The following CADM2 variants were observed in gnomAD, a reference collection of about 807,000 sequenced individuals.
The protein encoded by CADM2 is cell adhesion molecule 2.
Under a neutral mutation model 49.8 loss-of-function variants are expected in CADM2, and 12 were observed. The observed-to-expected ratio is 0.24, with a 90% confidence interval of 0.15 to 0.39. The LOEUF (loss-of-function observed/expected upper bound fraction) is 0.39. CADM2 is among the 10% of genes least tolerant of loss of function. The pLI is 1.00. For missense variants in CADM2, 378 were observed against 492.3 expected (o/e 0.77, Z 2.20); for synonymous variants, 214 against 175.4 (o/e 1.22, Z -1.74).
At chr3:85,078,487 A>G (rs1354039409) in intron 1 of CADM2, among the ~76,000 whole-genome samples, 1 of 151,952 alleles carries the variant, frequency 6.6e-6, no homozygotes, top group Non-Finnish European at 1.5e-5. Context: ...CTATATATAA[A>G]GCCAGGATAA....
At chr3:85,741,548 A>G (rs9836492) in intron 2 of CADM2, among the ~76,000 whole-genome samples, 30,916 of 151,934 alleles carry the variant, frequency 0.2, 3,822 homozygotes, top group African/African-American at 0.35. Flanking sequence ...CATGCCTGCA[A>G]TCCCAGCTAC....
chr3:85,128,020 A>T (rs1055908368), intron 1 of CADM2, among the ~76,000 whole-genome samples: 1 of 152,202 alleles, frequency 6.6e-6, no homozygotes, highest in Non-Finnish European at 1.5e-5. Context: ...GTCCTCAAGA[A>T]ACGCATGTGG....
At chr3:85,060,090 T>C (rs1380890779) in intron 1 of CADM2, among the ~76,000 whole-genome samples, 1 of 152,170 alleles carries the variant, frequency 6.6e-6, no homozygotes, top group Admixed American at 6.5e-5. Context: ...CACTTAAATA[T>C]GCATACCTTT....
At chr3:85,981,880 G>T (rs1417483606) in intron 8 of CADM2, among the ~76,000 whole-genome samples, 1 of 151,662 alleles carries the variant, frequency 6.6e-6, no homozygotes, top group Admixed American at 6.6e-5. Flanking sequence ...TCAGTGATGG[G>T]ATTGCTGGAT....
intron 8 of CADM2, chr3:86,013,792 G>A: frequency 6.3e-7 from 1 of 1,589,120 alleles, no homozygotes; most frequent in Non-Finnish European, 8.6e-7. Context: ...ACTGAGAAGT[G>A]GGGATTAAAT....
intron 1 of CADM2, among the ~76,000 whole-genome samples, chr3:85,448,576 G>T (rs1254024841): frequency 1.3e-5 from 2 of 152,000 alleles, no homozygotes; most frequent in Non-Finnish European, 2.9e-5. Flanking sequence ...AGTAGGGTCA[G>T]TGTATAGATT....
In CADM2 at chr3:85,498,678, A is replaced by G. The variant is rs1379270555; in HGVS notation, c.62-227844A>G. ...AATTAGTGTAAGAAATATGTATTAA[A>G]TAAAATGGATTTAAACGGAAACACG... On this transcript the variant is annotated intron_variant, in intron 1 of 9. Coordinates refer to ENST00000383699, the MANE Select transcript of CADM2 (RefSeq NM_001167675.2). Among the ~76,000 whole-genome samples, 3 of 152,164 alleles carry G rather than the reference A, an allele frequency of 2.0e-5. No individual in the cohort carries two copies. The South Asian group carries it at 6.2e-4, about 32-fold the overall frequency.
intron 1 of CADM2, among the ~76,000 whole-genome samples, chr3:85,191,580 G>A (rs981833560): frequency 2.6e-5 from 4 of 152,046 alleles, no homozygotes; most frequent in Non-Finnish European, 5.9e-5. Context: ...CCAAATAGAT[G>A]ACGGTTTGAC....
At chr3:85,017,388 C>T (rs1220644381) in intron 1 of CADM2, among the ~76,000 whole-genome samples, 1 of 152,126 alleles carries the variant, frequency 6.6e-6, no homozygotes, top group African/African-American at 2.4e-5. Context: ...AAAAAATATT[C>T]CCAGCTCGAG....
intron 3 of CADM2, among the ~76,000 whole-genome samples, chr3:85,863,596 G>A (rs1459889647): frequency 6.6e-6 from 1 of 152,128 alleles, no homozygotes; most frequent in Non-Finnish European, 1.5e-5. Context: ...GCAGCACAAG[G>A]CCTTCAGCAG....
intron 1 of CADM2, among the ~76,000 whole-genome samples, chr3:85,324,510 G>GTGAGTTT (rs1461056530): frequency 1.3e-5 from 2 of 152,042 alleles, no homozygotes; most frequent in Non-Finnish European, 2.9e-5. Flanking sequence ...CAACTCACCA[G>GTGAGTTT]ACATACTAGT....
At chr3:85,828,915 G>T (rs1257974290) in intron 3 of CADM2, among the ~76,000 whole-genome samples, 1 of 151,880 alleles carries the variant, frequency 6.6e-6, no homozygotes, top group Non-Finnish European at 1.5e-5. Context: ...GAAATATGAA[G>T]TTCCTTTCCT....
At chr3:85,372,933 G>A (rs2033356603) in intron 1 of CADM2, among the ~76,000 whole-genome samples, 1 of 151,998 alleles carries the variant, frequency 6.6e-6, no homozygotes, top group African/African-American at 2.4e-5. Context: ...CTCACACCAG[G>A]TCTCTCCCGT....
rs35050516 is a variant in CADM2, at chr3:85,650,507, GA to G, written c.62-76002del. ...ACAGATATTATATTTTAAGTGATCAGAAAAAAAAAAAAACCTCCAAAGAGAA... is the reference window on the plus strand; with the variant it reads ...ACAGATATTATATTTTAAGTGATCAGAAAAAAAAAAAACCTCCAAAGAGAA... On this transcript the variant is annotated intron_variant, in intron 1 of 9. Coordinates refer to ENST00000383699, the MANE Select transcript of CADM2 (RefSeq NM_001167675.2). Among the ~76,000 whole-genome samples, 1,295 of 142,004 alleles carry G rather than the reference GA, an allele frequency of 9.1e-3. 25 individuals are homozygous for G. Among genetic ancestry groups the G allele is most frequent in the African/African-American group, 0.028 (1,109 of 39,108 alleles). 93.2% of individuals were successfully genotyped at this position (142,004 alleles called of 152,430 possible). A position where few individuals can be genotyped will look rare whatever the true frequency, so the allele number is the denominator to read the frequency against.
chr3:85,360,507 A>C (rs754783393), intron 1 of CADM2, among the ~76,000 whole-genome samples: 1 of 152,194 alleles, frequency 6.6e-6, no homozygotes, highest in Non-Finnish European at 1.5e-5. Flanking sequence ...TACAACTTCT[A>C]TAACATATGG....
At chr3:85,683,362 A>G (rs1212676922) in intron 1 of CADM2, among the ~76,000 whole-genome samples, 2 of 152,194 alleles carry the variant, frequency 1.3e-5, no homozygotes, top group Non-Finnish European at 2.9e-5. Context: ...CTTATGCTGT[A>G]TGATGCTCTC....
intron 1 of CADM2, among the ~76,000 whole-genome samples, chr3:85,700,721 C>A (rs1393764756): frequency 3.3e-5 from 5 of 152,176 alleles, no homozygotes; most frequent in African/African-American, 1.2e-4. Flanking sequence ...TACTCCAGTT[C>A]CAAATAAGTT....
intron 1 of CADM2, among the ~76,000 whole-genome samples, chr3:85,375,528 AG>A (rs998523803): frequency 2.0e-5 from 3 of 152,210 alleles, no homozygotes; most frequent in African/African-American, 7.2e-5. Context: ...TATGTAAAAA[AG>A]TTTGCTTAGA....
At chr3:85,349,979 A>T (rs1319838118) in intron 1 of CADM2, among the ~76,000 whole-genome samples, 1 of 152,134 alleles carries the variant, frequency 6.6e-6, no homozygotes, top group African/African-American at 2.4e-5. Flanking sequence ...ATTGAAGAGT[A>T]GGTGGGTGTT....
Sources: allele counts gnomAD v4.1 joint callset (sites outside exome capture counted in the v4.1 genomes callset), GRCh38; gene constraint gnomAD v4.1.1; transcripts MANE v1.5; gene names NCBI Gene and HGNC (gene_info 2026-07-23, HGNC 2026-07-21).